Variants in SLC20A2 observed in about 807,000 individuals in gnomAD.
SLC20A2 encodes the protein sodium-dependent phosphate transporter 2.
SLC20A2 carries 30 observed loss-of-function variants against 61.0 expected under a neutral mutation model. The ratio of observed to expected loss-of-function variants is 0.49; its 90% CI spans 0.37 to 0.67. SLC20A2 has a LOEUF of 0.67. Ranked by LOEUF, SLC20A2 falls within the 30% of genes least tolerant of loss-of-function variation. The probability of loss-of-function intolerance (pLI) is 0.00; values close to 1 mark genes in which losing one functional copy is unlikely to be tolerated. For synonymous variants in SLC20A2, 351 were observed against 353.3 expected, an observed-to-expected ratio of 0.99 and a Z score of 0.07; for missense variants, 626 against 866.4, an observed-to-expected ratio of 0.72 and a Z score of 3.48.
chr8:42,460,876 G>A (rs1020053779), intron 4 of SLC20A2, among the ~76,000 whole-genome samples: 3 of 152,140 alleles, frequency 2.0e-5, no homozygotes, highest in Non-Finnish European at 2.9e-5. Flanking sequence ...TAATAACCAC[G>A]AAGGCCACAT....
rs1310329219 is a variant in SLC20A2 at position 42,522,636 on chromosome 8, G to A, written c.-265+19185C>T. ...GCGGAGGTTGCAGTGAGCTGAGATC[G>A]TGCCACTGCACTCCAGCCTGGGCGA... On this transcript the variant is annotated intron_variant, in intron 1 of 10. Transcript: ENST00000342228. Among the ~76,000 whole-genome samples the A allele has an allele frequency of 4.2e-5, 5 of 119,976 alleles. 1 individual carries two copies. Among genetic ancestry groups the A allele is most frequent in the African/African-American group, 1.3e-4 (5 of 39,290 alleles). 78.7% of individuals were successfully genotyped at this position (119,976 alleles called of 152,430 possible). A position where few individuals can be genotyped will look rare whatever the true frequency, so the allele number is the denominator to read the frequency against.
chr8:42,506,137 C>T (rs562884289), upstream of SLC20A2, among the ~76,000 whole-genome samples: 26 of 152,176 alleles, frequency 1.7e-4, no homozygotes, highest in East Asian at 1.6e-3. Flanking sequence ...GACGGGGTTT[C>T]GCCATGTTGG....
chr8:42,499,256 T>C (rs893603869), intron 1 of SLC20A2, among the ~76,000 whole-genome samples: 1 of 152,204 alleles, frequency 6.6e-6, no homozygotes, highest in African/African-American at 2.4e-5. Flanking sequence ...GAGCTCATCA[T>C]GATTTGTCGC....
At chr8:42,534,701 G>A (rs1374951256) in intron 1 of SLC20A2, 1 of 152,200 alleles carries the variant, frequency 6.6e-6, no homozygotes, top group East Asian at 1.9e-4. Flanking sequence ...CAGAGGCTGG[G>A]AGTAGATAAA....
In SLC20A2 at chr8:42,430,069, C is replaced by T. The variant is rs372331061; in HGVS notation, c.1704G>A (p.Pro568=). 35 of 1,608,538 alleles carry T rather than the reference C, an allele frequency of 2.2e-5. No homozygotes were observed. The highest frequency in any genetic ancestry group is 2.0e-4 in the African/African-American group (15 of 74,896). ...TMGKDLTPIT[P]SSGFTIELAS... is the part of the protein sequence containing the mutation. Reference sequence around the variant, plus strand: ...GTCCACCAGCCCAGGCTTACCTGGACGGCGTGATGGGAGTGAGGTCCTTCC... The same window carrying T: ...GTCCACCAGCCCAGGCTTACCTGGATGGCGTGATGGGAGTGAGGTCCTTCC... The change falls in exon 9 of 11, where the codon CCG becomes CCA. Residue 568 remains proline, a synonymous_variant. Transcript: ENST00000520262.
At chr8:42,424,543 C>T (rs567075612) in intron 10 of SLC20A2, among the ~76,000 whole-genome samples, 28 of 152,250 alleles carry the variant, frequency 1.8e-4, no homozygotes, top group African/African-American at 6.5e-4. Context: ...AAACTGAGTC[C>T]TCTGATATGA....
intron 5 of SLC20A2, among the ~76,000 whole-genome samples, chr8:42,454,966 C>G (rs1806028732): frequency 6.6e-6 from 1 of 151,838 alleles, no homozygotes; most frequent in Non-Finnish European, 1.5e-5. Context: ...TGGCTCACAC[C>G]TATAATCCCA....
rs117061945 is a variant in SLC20A2 at position 42,515,108 on chromosome 8, C to T, written c.-265+26713G>A. ...AATTCTATAAGACAGATTGATATCA[C>T]ATCTGTTTCACAGCTGAAGAACCTG... On this transcript the variant is annotated intron_variant, in intron 1 of 10. Transcript: ENST00000342228. Among the ~76,000 whole-genome samples the T allele has an allele frequency of 8.3e-4, 126 of 152,310 alleles. 1 individual carries two copies. In the East Asian group the frequency reaches 0.023, roughly 28 times the overall value.
chr8:42,530,345 A>C (rs1812242035), intron 1 of SLC20A2, among the ~76,000 whole-genome samples: 1 of 152,358 alleles, frequency 6.6e-6, no homozygotes, highest in African/African-American at 2.4e-5. Flanking sequence ...TCTCCAAAAC[A>C]GATATTATTC....
chr8:42,427,770 G>A (rs997590309), intron 10 of SLC20A2, among the ~76,000 whole-genome samples: 26 of 152,158 alleles, frequency 1.7e-4, no homozygotes, highest in Non-Finnish European at 1.0e-4. Flanking sequence ...TTTGCTTGGC[G>A]TTGTCTTTTA....
Position 42,472,118 on chromosome 8 carries a change from T to G in SLC20A2, c.273A>C (p.Glu91Asp). 2 of 1,613,068 alleles carry G rather than the reference T, an allele frequency of 1.2e-6. No individual in the cohort carries two copies. The highest frequency in any genetic ancestry group is 1.7e-6 in the Non-Finnish European group (2 of 1,179,964). Residue 91 changes from glutamate to aspartate, a missense_variant, in exon 2 of 11, where the codon GAA becomes GAC. Glu to Asp is a conservative substitution (Grantham distance 45, BLOSUM62 2). Transcript: ENST00000520262. The surrounding 1 kb of genome is among the most constrained non-coding windows in gnomAD (Gnocchi z 4.1). ...NETVETLMAG[E>D]VSAMVGSAVW... is the part of the protein sequence containing the mutation. ...GCTACTCACCAACCATGGCACTAAC[T>G]TCCCCAGCCATGAGAGTCTCCACCG...
At position 42,460,123 on chromosome 8, in the gene SLC20A2, C is replaced by T. The variant is rs904088057; in HGVS notation, c.517-131G>A. 51 of 594,184 alleles carry T rather than the reference C, an allele frequency of 8.6e-5. No homozygotes were observed. The Middle Eastern group carries it at 1.7e-3, about 20-fold the overall frequency. 36.8% of individuals were successfully genotyped at this position (594,184 alleles called of 1,614,324 possible). A position where few individuals can be genotyped will look rare whatever the true frequency, so the allele number is the denominator to read the frequency against. ...ACCCCAGTGTGGCCAAAAGGATGGG[C>T]GTTGTCACTGCCTGTGATCTGCTCC... On this transcript the variant is annotated intron_variant, in intron 4 of 10. Coordinates refer to ENST00000520262, the MANE Select transcript of SLC20A2 (RefSeq NM_001257180.2).
At chr8:42,478,122 G>A (rs1009896175) in intron 1 of SLC20A2, among the ~76,000 whole-genome samples, 1 of 151,738 alleles carries the variant, frequency 6.6e-6, no homozygotes, top group African/African-American at 2.4e-5. Flanking sequence ...TTGACCTCGT[G>A]ATCAACCCGC....
chr8:42,420,931 G>C (rs1290253408), intron 10 of SLC20A2, among the ~76,000 whole-genome samples: 1 of 152,120 alleles, frequency 6.6e-6, no homozygotes, highest in Non-Finnish European at 1.5e-5. Flanking sequence ...CGTCAGGTAA[G>C]GCTAGTTCCT....
chr8:42,500,425 ATAAC>A (rs1267514238), intron 1 of SLC20A2, among the ~76,000 whole-genome samples: 1 of 152,216 alleles, frequency 6.6e-6, no homozygotes, highest in African/African-American at 2.4e-5. Context: ...GTTACTTTTG[ATAAC>A]TAACTCAGTC....
chr8:42,480,332 A>G (rs576512565), intron 1 of SLC20A2: 10 of 152,338 alleles, frequency 6.6e-5, no homozygotes, highest in African/African-American at 2.4e-4. Context: ...ATTTTCTACA[A>G]TGTGCAATGA....
intron 1 of SLC20A2, among the ~76,000 whole-genome samples, chr8:42,477,938 T>G (rs1023281014): frequency 6.6e-6 from 1 of 151,756 alleles, no homozygotes; most frequent in African/African-American, 2.4e-5. Context: ...CAGACTGAAG[T>G]GCAGTGGCGT....
At chr8:42,474,930 G>T (rs1267686304) in intron 1 of SLC20A2, among the ~76,000 whole-genome samples, 1 of 151,810 alleles carries the variant, frequency 6.6e-6, no homozygotes, top group African/African-American at 2.4e-5. Flanking sequence ...CCTGGTGTGG[G>T]GGGTGGGGGG....
At chr8:42,428,047 G>T (rs1464207595) in intron 10 of SLC20A2, among the ~76,000 whole-genome samples, 1 of 152,176 alleles carries the variant, frequency 6.6e-6, no homozygotes, top group Non-Finnish European at 1.5e-5. Context: ...GCAGAGTTGG[G>T]TGATGAGACC....
Sources: gnomAD v4.1 joint callset for allele counts (sites outside exome capture counted in the v4.1 genomes callset) on GRCh38, gnomAD v4.1.1 for gene constraint, Gnocchi (gnomAD v3.1) non-coding constraint, MANE v1.5 for transcripts, NCBI Gene and HGNC (gene_info 2026-07-23, HGNC 2026-07-21) for gene names.